Variants in MAD1L1 observed in about 807,000 individuals in gnomAD.
MAD1L1 encodes mitotic arrest deficient 1 like 1, also known as mitotic spindle assembly checkpoint protein MAD1.
Under a neutral mutation model 96.9 loss-of-function variants are expected in MAD1L1, and 95 were observed. The observed-to-expected ratio is 0.98, with a 90% CI of 0.83 to 1.16. The LOEUF (loss-of-function observed/expected upper bound fraction) is 1.16. Among genes scored for constraint, MAD1L1 ranks in the 50% most tolerant of loss-of-function variants. The probability of loss-of-function intolerance (pLI) is 0.00; values close to 1 mark genes in which losing one functional copy is unlikely to be tolerated. For missense variants in MAD1L1, 1,007 were observed against 954.4 expected (o/e 1.06, Z -0.73); for synonymous variants, 473 against 396.6 (o/e 1.19, Z -2.29).
intron 16 of MAD1L1, chr7:1,940,369 C>G (rs764586216): frequency 2.6e-5 from 4 of 152,264 alleles, no homozygotes; most frequent in Non-Finnish European, 4.4e-5. Flanking sequence ...GAATCACAGA[C>G]TCTTGGGGTT....
intron 18 of MAD1L1, among the ~76,000 whole-genome samples, chr7:1,859,715 C>T (rs1468153264): frequency 1.3e-5 from 2 of 152,296 alleles, no homozygotes; most frequent in East Asian, 3.9e-4. Flanking sequence ...TGCAGGGCTC[C>T]CTCTGTTCCC....
chr7:1,981,304 G>A (rs545233278), intron 14 of MAD1L1, among the ~76,000 whole-genome samples: 5 of 152,278 alleles, frequency 3.3e-5, no homozygotes, highest in Admixed American at 1.3e-4. Context: ...CACACCTAGG[G>A]TGGGAGGCAT....
intron 10 of MAD1L1, among the ~76,000 whole-genome samples, chr7:2,202,802 A>G (rs1242240946): frequency 3.9e-5 from 6 of 152,240 alleles, no homozygotes; most frequent in Non-Finnish European, 8.8e-5. Context: ...AGGCTGGTCA[A>G]TTAGACCCTT....
chr7:2,130,760 G>A (rs139782634), intron 11 of MAD1L1, among the ~76,000 whole-genome samples: 2 of 152,150 alleles, frequency 1.3e-5, no homozygotes, highest in Admixed American at 6.5e-5. Context: ...TCCAGTCACC[G>A]ATCTTTGTGA....
intron 18 of MAD1L1, among the ~76,000 whole-genome samples, chr7:1,828,270 C>T (rs531384711): frequency 8.5e-5 from 13 of 152,268 alleles, no homozygotes; most frequent in South Asian, 8.3e-4. Flanking sequence ...CCCTGAGAGA[C>T]GGGGCGAGCC....
chr7:1,872,963 G>A (rs1263774658), intron 18 of MAD1L1, among the ~76,000 whole-genome samples: 1 of 152,198 alleles, frequency 6.6e-6, no homozygotes, highest in African/African-American at 2.4e-5. Context: ...AGAGAGAGAT[G>A]GCCGTGATCT....
At chr7:1,877,151 A>G (rs183712035) in intron 18 of MAD1L1, among the ~76,000 whole-genome samples, 3 of 152,150 alleles carry the variant, frequency 2.0e-5, no homozygotes, top group Admixed American at 6.6e-5. Flanking sequence ...TAGTAAGATT[A>G]TTTGAAAACA....
intron 18 of MAD1L1, among the ~76,000 whole-genome samples, chr7:1,872,322 C>T (rs1785153557): frequency 6.6e-6 from 1 of 152,226 alleles, no homozygotes; most frequent in African/African-American, 2.4e-5. Context: ...AGCGGCCTGG[C>T]CGATGGCCCT....
intron 12 of MAD1L1, among the ~76,000 whole-genome samples, chr7:2,019,970 C>T (rs1328280867): frequency 6.6e-6 from 1 of 152,208 alleles, no homozygotes; most frequent in East Asian, 1.9e-4. Flanking sequence ...TTGGTGACAT[C>T]AGCACAGCAT....
intron 3 of MAD1L1, among the ~76,000 whole-genome samples, chr7:2,227,336 G>T (rs887342904): frequency 6.6e-6 from 1 of 152,060 alleles, no homozygotes; most frequent in Admixed American, 6.6e-5. Flanking sequence ...ACATTCTCAG[G>T]GCGTTCACAT....
In MAD1L1 at chr7:1,827,511, GTCCTCCCCTCCT is replaced by G. The variant is rs1583484905; in HGVS notation, c.1999-11295_1999-11284del. On this transcript the variant is annotated intron_variant, in intron 18 of 18. Transcript: ENST00000265854. ...CTCCTGAGCCCGTCCCGGGTGTGGG[GTCCTCCCCTCCT>G]GAGCCCGTCCCGGGTGTGGGGGCCT... Among the ~76,000 whole-genome samples the G allele has an allele frequency of 5.1e-4, 72 of 139,906 alleles. 1 individual carries two copies. Among genetic ancestry groups the G allele is most frequent in the African/African-American group, 1.2e-3 (43 of 37,390 alleles). 91.8% of individuals were successfully genotyped at this position (139,906 alleles called of 152,430 possible). A position where few individuals can be genotyped will look rare whatever the true frequency, so the allele number is the denominator to read the frequency against.
intron 16 of MAD1L1, among the ~76,000 whole-genome samples, chr7:1,940,933 C>CCCCAGGCCTCACCCTCCTCTTCCTCT (rs1583862783): frequency 7.1e-4 from 49 of 69,124 alleles, no homozygotes; most frequent in African/African-American, 1.4e-3. Context: ...GACCCTCCTC[C>CCCCAGGCCTCACCCTCCTCTTCCTCT]CCCAGGCCTC....
chr7:1,880,594 G>C (rs148379299), intron 18 of MAD1L1, among the ~76,000 whole-genome samples: 5 of 152,332 alleles, frequency 3.3e-5, no homozygotes, highest in African/African-American at 1.2e-4. Flanking sequence ...AAACAGTGTA[G>C]TTCTTGAACC....
chr7:1,953,963 G>A (rs1253031584), intron 16 of MAD1L1, among the ~76,000 whole-genome samples: 2 of 152,118 alleles, frequency 1.3e-5, no homozygotes, highest in Admixed American at 6.5e-5. Context: ...TGCCCAGTGC[G>A]GCCTCCACTG....
Position 2,222,733 on chromosome 7 carries a change from C to T in MAD1L1, c.313G>A (p.Glu105Lys), listed in dbSNP as rs765985769. The T allele has an allele frequency of 3.7e-6, 6 of 1,605,124 alleles. No individual in the cohort carries two copies. Among genetic ancestry groups the T allele is most frequent in the Non-Finnish European group, 5.1e-6 (6 of 1,178,958 alleles). ...AGCTGCCGGATGCGCGTCAGGAGCT[C>T]CTGGTTGCGGTCGACCTCACGCTGT... ...NYEREVDRNQ[E>K]LLTRIRQLQE... is the part of the protein sequence containing the mutation. The change falls in exon 5 of 19, where the codon GAG (glutamate) becomes AAG (lysine). Residue 105 changes from glutamate (E) to lysine (K), a missense_variant. Coordinates refer to ENST00000265854, the MANE Select transcript of MAD1L1 (RefSeq NM_001013836.2).
chr7:2,124,592 G>A (rs1171449899), intron 11 of MAD1L1, among the ~76,000 whole-genome samples: 6 of 152,190 alleles, frequency 3.9e-5, no homozygotes, highest in Admixed American at 3.9e-4. Flanking sequence ...GGAAGACTCT[G>A]GCAGAGAGGA....
intron 12 of MAD1L1, among the ~76,000 whole-genome samples, chr7:2,024,411 G>C (rs1782911846): frequency 6.6e-6 from 1 of 152,228 alleles, no homozygotes; most frequent in African/African-American, 2.4e-5. Context: ...ATGTGAGCCA[G>C]GCAGCTGCAT....
chr7:2,001,867 C>G (rs1304571568), intron 14 of MAD1L1, among the ~76,000 whole-genome samples, 198 bp downstream of exon 14: 2 of 152,256 alleles, frequency 1.3e-5, no homozygotes, highest in East Asian at 3.9e-4. Context: ...TGCTCCCCGC[C>G]GGCGCATGCC....
At chr7:2,210,565 C>T (rs1485953109) in intron 10 of MAD1L1, among the ~76,000 whole-genome samples, 7 of 145,536 alleles carry the variant, frequency 4.8e-5, no homozygotes, top group Non-Finnish European at 3.0e-5. Context: ...TATTCGGGAC[C>T]GCCAGCCCGC....
Sources: gnomAD v4.1 joint callset for allele counts (sites outside exome capture counted in the v4.1 genomes callset) on GRCh38, gnomAD v4.1.1 for gene constraint, MANE v1.5 for transcripts, NCBI Gene and HGNC (gene_info 2026-07-23, HGNC 2026-07-21) for gene names.